CSNK1G1: variants seen among roughly 807,000 people sequenced by gnomAD.
The protein encoded by CSNK1G1 is casein kinase 1 gamma 1, also known as casein kinase I isoform gamma-1.
A neutral mutation model predicts 59.6 loss-of-function variants in CSNK1G1; 22 were observed. That is an observed-to-expected ratio of 0.37 (90% CI 0.26 to 0.53). The LOEUF is 0.53. Ranked by LOEUF, CSNK1G1 falls within the 20% of genes least tolerant of loss-of-function variation. The probability of loss-of-function intolerance (pLI) is 0.89; values close to 1 mark genes in which losing one functional copy is unlikely to be tolerated. For missense variants in CSNK1G1, 384 were observed against 519.5 expected, an observed-to-expected ratio of 0.74 and a Z score of 2.54; for synonymous variants, 179 against 177.1, an observed-to-expected ratio of 1.01 and a Z score of -0.08.
intron 1 of CSNK1G1, chr15:64,335,899 C>A (rs1369482376): frequency 6.6e-6 from 1 of 152,134 alleles, no homozygotes; most frequent in African/African-American, 2.4e-5. Context: ...CCTGCAACAT[C>A]CCAGTAATCT....
At chr15:64,299,089 C>T (rs776456525) in intron 2 of CSNK1G1, among the ~76,000 whole-genome samples, 20 of 151,696 alleles carry the variant, frequency 1.3e-4, no homozygotes, top group Non-Finnish European at 2.4e-4. Context: ...CATTATGTTC[C>T]CACCCTCCCA....
At chr15:64,173,735 G>C (rs2081706090) in intron 11 of CSNK1G1, among the ~76,000 whole-genome samples, 1 of 147,112 alleles carries the variant, frequency 6.8e-6, no homozygotes, top group Non-Finnish European at 1.5e-5. Flanking sequence ...TGATTCTCCT[G>C]CCTCAGCCTC....
intron 10 of CSNK1G1, among the ~76,000 whole-genome samples, chr15:64,191,956 T>C (rs977133992): frequency 4.6e-5 from 7 of 152,188 alleles, no homozygotes; most frequent in African/African-American, 1.7e-4. Context: ...AAAGGGCCAT[T>C]TGCAGTTTTA....
intron 1 of CSNK1G1, among the ~76,000 whole-genome samples, chr15:64,351,595 C>A (rs968263072): frequency 1.3e-5 from 2 of 152,140 alleles, no homozygotes; most frequent in Non-Finnish European, 2.9e-5. Flanking sequence ...AATAGATTAT[C>A]GGGCCAGGCA....
At chr15:64,340,305 T>C (rs895499372) in intron 1 of CSNK1G1, among the ~76,000 whole-genome samples, 1 of 152,240 alleles carries the variant, frequency 6.6e-6, no homozygotes, top group South Asian at 2.1e-4. Flanking sequence ...ATTCACCCAA[T>C]AGCTCTGTCT....
intron 1 of CSNK1G1, among the ~76,000 whole-genome samples, chr15:64,351,722 T>C (rs1175392500): frequency 6.6e-6 from 1 of 151,662 alleles, no homozygotes; most frequent in African/African-American, 2.4e-5. Context: ...CCACTAAAAA[T>C]ACAAAAATTA....
At position 64,189,208 on chromosome 15, in the gene CSNK1G1, AG is replaced by A. The variant is rs1176511156; in HGVS notation, c.1108-8755del. The A allele has an allele frequency of 2.4e-5, 8 of 336,356 alleles. No homozygotes were observed. The East Asian group carries it at 1.1e-3, about 46-fold the overall frequency. The allele number at this position is 336,356 out of a possible 1,614,324, so 20.8% of individuals were successfully genotyped here. A position where few individuals can be genotyped will look rare whatever the true frequency, so the allele number is the denominator to read the frequency against. The stretch of plus-strand genomic sequence containing the variant: ...TAGCTAACAGCGTCTAGACTGAATT[AG>A]AAAAAGTTTACTTATTAATATGATA... On this transcript the variant is annotated intron_variant, in intron 10 of 11. Transcript: ENST00000303052.
intron 6 of CSNK1G1, 84 bp downstream of exon 6, chr15:64,213,806 T>G (rs1367326523): frequency 1.1e-6 from 1 of 917,706 alleles, no homozygotes; most frequent in Non-Finnish European, 1.7e-6. Flanking sequence ...CCACAAGTTG[T>G]AATGCACAAT....
chr15:64,301,545 C>G (rs889862683), intron 1 of CSNK1G1, among the ~76,000 whole-genome samples: 1 of 152,044 alleles, frequency 6.6e-6, no homozygotes, highest in African/African-American at 2.4e-5. Context: ...CAATCACATA[C>G]TAAACACACA....
chr15:64,212,289 T>A (rs2140261589), intron 6 of CSNK1G1, among the ~76,000 whole-genome samples: 1 of 152,368 alleles, frequency 6.6e-6, no homozygotes, highest in Non-Finnish European at 1.5e-5. Flanking sequence ...TAATTTCAAA[T>A]CGAATTGTAT....
intron 1 of CSNK1G1, among the ~76,000 whole-genome samples, chr15:64,346,057 G>GGAATTAC (rs141328146): frequency 3.7e-4 from 2 of 5,410 alleles, no homozygotes; most frequent in Non-Finnish European, 5.3e-3. Flanking sequence ...CCAAAGTGCT[G>GGAATTAC]AGTGTGAGCC....
intron 2 of CSNK1G1, among the ~76,000 whole-genome samples, chr15:64,294,844 G>A (rs1198639687): frequency 4.6e-5 from 7 of 150,766 alleles, no homozygotes; most frequent in Admixed American, 6.6e-5. Context: ...CTCAGGAGGC[G>A]GAGGTTGCAG....
chr15:64,194,971 T>C (rs1181061349), intron 10 of CSNK1G1: 1 of 152,206 alleles, frequency 6.6e-6, no homozygotes, highest in African/African-American at 2.4e-5. Context: ...TTATAAGGTA[T>C]TGAGTTAGTT....
At chr15:64,219,773 TTTTC>T (rs2082361416) in intron 4 of CSNK1G1, among the ~76,000 whole-genome samples, 2 of 144,238 alleles carry the variant, frequency 1.4e-5, no homozygotes, top group South Asian at 2.1e-4. Flanking sequence ...TTTTCTTTTC[TTTTC>T]TTTTTTTTTT....
chr15:64,274,953 C>A (rs1893525261), intron 2 of CSNK1G1, among the ~76,000 whole-genome samples: 1 of 152,184 alleles, frequency 6.6e-6, no homozygotes, highest in Non-Finnish European at 1.5e-5. Context: ...GTAGTTAAAA[C>A]AAGTAACTAC....
intron 4 of CSNK1G1, among the ~76,000 whole-genome samples, chr15:64,230,297 T>C (rs1486720780): frequency 6.6e-6 from 1 of 151,442 alleles, no homozygotes; most frequent in Non-Finnish European, 1.5e-5. Context: ...AAATTGCCAG[T>C]TTTGGTTTTT....
At chr15:64,181,556 A>C (rs1016623402) in intron 10 of CSNK1G1, 8 of 911,418 alleles carry the variant, frequency 8.8e-6, no homozygotes. Flanking sequence ...AAGAAAATGT[A>C]TGAGACTGTC....
intron 1 of CSNK1G1, among the ~76,000 whole-genome samples, chr15:64,333,896 T>C (rs987440509): frequency 2.0e-5 from 3 of 152,142 alleles, no homozygotes; most frequent in East Asian, 1.9e-4. Flanking sequence ...TCTAGATTCA[T>C]AGAACAATTA....
rs2081607068 is a variant in CSNK1G1, at chr15:64,166,720, T to C, written c.*5211A>G. On this transcript the variant is annotated 3_prime_UTR_variant, in exon 12 of 12. Transcript: ENST00000303052. The surrounding 1 kb of genome is among the most constrained non-coding windows in gnomAD (Gnocchi z 4.5). Reference sequence around the variant, plus strand: ...GGCCTGGGATTTGGTCTGGAGCTCATGAACTGAAAATGTCTCACCTGTACT... The same window carrying C: ...GGCCTGGGATTTGGTCTGGAGCTCACGAACTGAAAATGTCTCACCTGTACT... 6.6e-6 allele frequency: 1 copy of C among 152,640 alleles called. No individual in the cohort carries two copies. Among genetic ancestry groups the C allele is most frequent in the African/African-American group, 2.4e-5 (1 of 41,436 alleles). 9.5% of individuals were successfully genotyped at this position (152,640 alleles called of 1,614,324 possible).
Sources: allele counts gnomAD v4.1 joint callset (sites outside exome capture counted in the v4.1 genomes callset), GRCh38; gene constraint gnomAD v4.1.1; non-coding constraint Gnocchi (gnomAD v3.1); transcripts MANE v1.5; gene names NCBI Gene and HGNC (gene_info 2026-07-23, HGNC 2026-07-21).